Variants in SPIN1 observed in about 807,000 individuals in gnomAD.
The protein encoded by SPIN1 is spindlin-1.
SPIN1 carries 3 observed loss-of-function variants against 26.0 expected under a neutral mutation model. The observed-to-expected ratio is 0.12, with a 90% CI of 0.05 to 0.30. SPIN1 has a LOEUF of 0.30. SPIN1 is among the 10% of genes least tolerant of loss of function. SPIN1 has a pLI of 1.00. For missense variants in SPIN1, 126 were observed against 333.4 expected (o/e 0.38, Z 4.84); for synonymous variants, 101 against 116.5 (o/e 0.87, Z 0.86).
At position 88,404,850 on chromosome 9, in the gene SPIN1, A is replaced by G. The variant is rs113152390; in HGVS notation, c.-159+16312A>G. On this transcript the variant is annotated intron_variant, in intron 1 of 5. Transcript: ENST00000375859. ...AGAATCGCTTGAACCCAGGAGGCAG[A>G]GGTTGCAGTGAGCCGAGATCGTGCC... Among the ~76,000 whole-genome samples the G allele has an allele frequency of 1.3e-4, 19 of 147,504 alleles. 1 individual carries two copies. The highest frequency in any genetic ancestry group is 4.4e-4 in the African/African-American group (18 of 40,696).
intron 2 of SPIN1, among the ~76,000 whole-genome samples, chr9:88,426,971 G>A (rs778226590): frequency 3.5e-4 from 54 of 152,288 alleles, no homozygotes; most frequent in Non-Finnish European, 5.7e-4. Context: ...GGAATTTCTT[G>A]TGTTTACTTG....
chr9:88,415,322 T>C (rs1281943821), intron 1 of SPIN1, among the ~76,000 whole-genome samples: 1 of 152,200 alleles, frequency 6.6e-6, no homozygotes, highest in East Asian at 1.9e-4. Flanking sequence ...TAATTAGCAA[T>C]GCTTTATAAG....
At chr9:88,399,119 C>T (rs1256100065) in intron 1 of SPIN1, among the ~76,000 whole-genome samples, 1 of 151,284 alleles carries the variant, frequency 6.6e-6, no homozygotes, top group Admixed American at 6.6e-5. Flanking sequence ...GCAACCTCCG[C>T]CTCCTGGGTT....
intron 5 of SPIN1, among the ~76,000 whole-genome samples, chr9:88,473,190 C>A (rs1193647502): frequency 6.6e-6 from 1 of 151,152 alleles, no homozygotes; most frequent in Non-Finnish European, 1.5e-5. Context: ...GTCAGGAGTT[C>A]GAGGTCAGCC....
chr9:88,460,213 G>A (rs1828551719), intron 3 of SPIN1, among the ~76,000 whole-genome samples: 1 of 152,002 alleles, frequency 6.6e-6, no homozygotes, highest in African/African-American at 2.4e-5. Flanking sequence ...TGGAATATTT[G>A]TTACCATCTC....
At chr9:88,431,660 T>C (rs796723846) in intron 2 of SPIN1, among the ~76,000 whole-genome samples, 8 of 152,290 alleles carry the variant, frequency 5.3e-5, no homozygotes, top group African/African-American at 1.9e-4. Flanking sequence ...TTTGGAAACT[T>C]TTAGAATTGG....
At chr9:88,465,015 T>A (rs989022986) in intron 4 of SPIN1, among the ~76,000 whole-genome samples, 28 of 152,350 alleles carry the variant, frequency 1.8e-4, no homozygotes, top group African/African-American at 6.5e-4. Flanking sequence ...AGTATTTGTT[T>A]TGTGAGTAAC....
At chr9:88,441,754 T>TA (rs1400348404) in intron 2 of SPIN1, among the ~76,000 whole-genome samples, 2 of 150,240 alleles carry the variant, frequency 1.3e-5, no homozygotes, top group Non-Finnish European at 3.0e-5. Context: ...AGACCCTGTC[T>TA]AAAAAATAAA....
intron 2 of SPIN1, among the ~76,000 whole-genome samples, chr9:88,445,914 T>C (rs964488225): frequency 1.3e-5 from 2 of 152,190 alleles, no homozygotes; most frequent in African/African-American, 4.8e-5. Context: ...ATTTTGGCAT[T>C]CTTTTAGTAT....
intron 2 of SPIN1, among the ~76,000 whole-genome samples, chr9:88,442,411 C>T (rs1489643151): frequency 7.0e-5 from 10 of 142,192 alleles, no homozygotes; most frequent in Non-Finnish European, 7.7e-5. Context: ...TTTTTCTTTC[C>T]TTTTTTTTTT....
chr9:88,453,533 G>C (rs539212833), intron 3 of SPIN1, among the ~76,000 whole-genome samples: 2 of 151,416 alleles, frequency 1.3e-5, no homozygotes, highest in African/African-American at 4.9e-5. Context: ...TGTTGGAATG[G>C]TATCTTTTTT....
chr9:88,452,605 T>C (rs1357389377), intron 3 of SPIN1, among the ~76,000 whole-genome samples: 1 of 152,216 alleles, frequency 6.6e-6, no homozygotes, highest in African/African-American at 2.4e-5. Flanking sequence ...ATCTCTGGTA[T>C]TCCCAAAGTG....
chr9:88,468,022 G>T (rs936962658), intron 4 of SPIN1, among the ~76,000 whole-genome samples: 2 of 152,100 alleles, frequency 1.3e-5, no homozygotes, highest in Non-Finnish European at 2.9e-5. Flanking sequence ...AAATTTAACT[G>T]TTAAGTAAAC....
intron 1 of SPIN1, among the ~76,000 whole-genome samples, chr9:88,419,570 A>G (rs1827634003): frequency 6.6e-6 from 1 of 152,242 alleles, no homozygotes; most frequent in African/African-American, 2.4e-5. Context: ...AAACTTTATA[A>G]CAATACTTAA....
At chr9:88,432,011 C>CT (rs1827886393) in intron 2 of SPIN1, among the ~76,000 whole-genome samples, 2 of 152,032 alleles carry the variant, frequency 1.3e-5, no homozygotes, top group African/African-American at 4.8e-5. Context: ...GCATTCCTGC[C>CT]TGGGTGACAG....
At chr9:88,426,709 A>G (rs796557673) in intron 2 of SPIN1, 118 bp downstream of exon 2, 1 of 812,422 alleles carries the variant, frequency 1.2e-6, no homozygotes, top group Non-Finnish European at 2.0e-6. Flanking sequence ...CATTTCTAGT[A>G]TGTTATACAC....
chr9:88,423,823 T>C (rs1168289262), intron 1 of SPIN1, among the ~76,000 whole-genome samples: 1 of 151,758 alleles, frequency 6.6e-6, no homozygotes, highest in Non-Finnish European at 1.5e-5. Context: ...TGGAGTGCAG[T>C]GGTGTGATCT....
chr9:88,398,030 T>C (rs1827103923), intron 1 of SPIN1, among the ~76,000 whole-genome samples: 1 of 149,174 alleles, frequency 6.7e-6, no homozygotes, highest in Non-Finnish European at 1.5e-5. Flanking sequence ...TCAGGTGATC[T>C]TCCCATCTCA....
intron 1 of SPIN1, among the ~76,000 whole-genome samples, chr9:88,422,131 C>T (rs542662502): frequency 2.6e-5 from 4 of 152,130 alleles, no homozygotes; most frequent in South Asian, 4.1e-4. Flanking sequence ...GTTTTGATAC[C>T]GTACAATTAT....
Sources: gnomAD v4.1 joint callset for allele counts (sites outside exome capture counted in the v4.1 genomes callset) on GRCh38, gnomAD v4.1.1 for gene constraint, MANE v1.5 for transcripts, NCBI Gene and HGNC (gene_info 2026-07-23, HGNC 2026-07-21) for gene names.